Variants in FKBP14 observed in about 807,000 individuals in gnomAD.
The protein encoded by FKBP14 is peptidyl-prolyl cis-trans isomerase FKBP14.
FKBP14 carries 20 observed loss-of-function variants against 21.6 expected under a neutral mutation model. The observed-to-expected ratio is 0.92, with a 90% CI of 0.65 to 1.34. The LOEUF is 1.34. Ranked by LOEUF, FKBP14 falls within the 40% of genes most tolerant of loss-of-function variation. The probability of loss-of-function intolerance (pLI) is 0.00; values close to 1 mark genes in which losing one functional copy is unlikely to be tolerated. For synonymous variants in FKBP14, 79 were observed against 86.7 expected (o/e 0.91, Z 0.49); for missense variants, 253 against 249.0 (o/e 1.02, Z -0.11).
intron 2 of FKBP14, among the ~76,000 whole-genome samples, chr7:30,021,557 CCT>C (rs1322086594): frequency 6.6e-6 from 1 of 151,328 alleles, no homozygotes; most frequent in African/African-American, 2.4e-5. Context: ...CATCTTCAGA[CCT>C]CTTTTTTTTT....
In FKBP14 at chr7:30,014,661, A is replaced by G; in HGVS notation, c.*74T>C. 6.0e-6 allele frequency: 6 copies of G among 996,532 alleles called. No individual in the cohort carries two copies. Among genetic ancestry groups the G allele is most frequent in the Non-Finnish European group, 8.0e-6 (6 of 748,240 alleles). 61.7% of individuals were successfully genotyped at this position (996,532 alleles called of 1,614,324 possible). A position where few individuals can be genotyped will look rare whatever the true frequency, so the allele number is the denominator to read the frequency against. ...ACAAAGCAAGAAAGAACATTGTATA[A>G]AAATAAAATGTTCTTTAAAGATGAC... On this transcript the variant is annotated 3_prime_UTR_variant, in exon 4 of 4. Transcript: ENST00000222803.
chr7:30,017,203 AAG>A (rs1789911052), intron 3 of FKBP14, among the ~76,000 whole-genome samples: 1 of 152,006 alleles, frequency 6.6e-6, no homozygotes, highest in Non-Finnish European at 1.5e-5. Flanking sequence ...AGAAAGAAAA[AAG>A]TAATTAATAA....
chr7:30,008,674 T>TGTGTC (rs1789656448), downstream of FKBP14, among the ~76,000 whole-genome samples: 1 of 123,202 alleles, frequency 8.1e-6, no homozygotes, highest in Non-Finnish European at 1.6e-5. Flanking sequence ...TGAGCTGAGA[T>TGTGTC]TTAAAAAAAA....
At chr7:30,025,721 A>G (rs2127950586) in intron 1 of FKBP14, 1 of 152,370 alleles carries the variant, frequency 6.6e-6, no homozygotes, top group Middle Eastern at 3.4e-3. Context: ...GACTTCCAAA[A>G]CCACACCCAC....
Position 30,014,129 on chromosome 7 carries a change from C to T in FKBP14, c.*606G>A, listed in dbSNP as rs1254641488. ...CCGCCCGCCTCAGCCTCCCAAAGTG[C>T]TGGGATTACAGGCATGAGCCACCAT... On this transcript the variant is annotated 3_prime_UTR_variant, in exon 4 of 4. Transcript: ENST00000222803. The T allele has an allele frequency of 1.3e-5, 2 of 152,272 alleles. No individual in the cohort carries two copies. Among genetic ancestry groups the T allele is most frequent in the Non-Finnish European group, 2.9e-5 (2 of 68,110 alleles). 9.4% of individuals were successfully genotyped at this position (152,272 alleles called of 1,614,324 possible). A position where few individuals can be genotyped will look rare whatever the true frequency, so the allele number is the denominator to read the frequency against.
chr7:30,008,949 A>G (rs539016622), downstream of FKBP14, among the ~76,000 whole-genome samples: 2 of 148,092 alleles, frequency 1.4e-5, no homozygotes, highest in African/African-American at 2.4e-5. Flanking sequence ...TCCGTCTCCA[A>G]AAAAAAAAAA....
chr7:30,018,854 TATAA>T (rs990028880), intron 3 of FKBP14, 138 bp downstream of exon 3: 40 of 824,352 alleles, frequency 4.9e-5, no homozygotes, highest in Non-Finnish European at 6.0e-5. Context: ...TAAGAAAACT[TATAA>T]ATAAATGTTA....
chr7:30,025,107 T>TA (rs578071636), intron 1 of FKBP14, among the ~76,000 whole-genome samples: 8 of 152,160 alleles, frequency 5.3e-5, no homozygotes, highest in Non-Finnish European at 1.0e-4. Context: ...GAATGCCCAG[T>TA]AAAGGCAGTT....
At position 30,013,408 on chromosome 7, in the gene FKBP14, C is replaced by G. The variant is rs1789796687; in HGVS notation, c.*1327G>C. 1 of 152,082 alleles carries G rather than the reference C, an allele frequency of 6.6e-6. No individual in the cohort carries two copies. Among genetic ancestry groups the G allele is most frequent in the East Asian group, 1.9e-4 (1 of 5,166 alleles). The allele number at this position is 152,082 out of a possible 1,614,324, so 9.4% of individuals were successfully genotyped here. On this transcript the variant is annotated 3_prime_UTR_variant, in exon 4 of 4. Coordinates refer to ENST00000222803, the MANE Select transcript of FKBP14 (RefSeq NM_017946.4). ...GGGACTACAGGTGTGCACCACCACG[C>G]CTGGCTAATTTTTGTATTTTTAGTA... is the stretch of plus-strand genomic sequence containing the variant.
chr7:30,011,374 A>T lies in FKBP14; in HGVS notation c.*3361T>A, dbSNP rs1163698515. On this transcript the variant is annotated 3_prime_UTR_variant, in exon 4 of 4. Transcript: ENST00000222803. ...AACATTTTTTATAAATTTTAGTGTCACCTAAGTGTACGGTGTTTATAAAGT... is the reference window on the plus strand; with the variant it reads ...AACATTTTTTATAAATTTTAGTGTCTCCTAAGTGTACGGTGTTTATAAAGT... The T allele has an allele frequency of 6.6e-6, 1 of 151,438 alleles. No homozygotes were observed. Among genetic ancestry groups the T allele is most frequent in the Non-Finnish European group, 1.5e-5 (1 of 67,916 alleles). 9.4% of individuals were successfully genotyped at this position (151,438 alleles called of 1,614,324 possible).
chr7:30,022,485 T>C lies in FKBP14; in HGVS notation c.349+180A>G, dbSNP rs905971124. The C allele has an allele frequency of 5.7e-6, 3 of 530,236 alleles. No homozygotes were observed. In the African/African-American group the frequency reaches 5.8e-5, roughly 10 times the overall value. 32.8% of individuals were successfully genotyped at this position (530,236 alleles called of 1,614,324 possible). On this transcript the variant is annotated intron_variant, in intron 2 of 3. Coordinates refer to ENST00000222803, the MANE Select transcript of FKBP14 (RefSeq NM_017946.4). Reference sequence around the variant, plus strand: ...GTTAGCATAGTTGCCCATTTAGACATTACGGCCTTAAACTGGCCATTTCAA... The same window carrying C: ...GTTAGCATAGTTGCCCATTTAGACACTACGGCCTTAAACTGGCCATTTCAA...
Position 30,013,570 on chromosome 7 carries a change from A to G in FKBP14, c.*1165T>C, listed in dbSNP as rs1363281918. On this transcript the variant is annotated 3_prime_UTR_variant, in exon 4 of 4. Coordinates refer to ENST00000222803, the MANE Select transcript of FKBP14 (RefSeq NM_017946.4). ...AGCTAACTTCAGTTTTTGATGAGAC[A>G]GAAATGGGAAAATGTAGACTGGTTT... The G allele has an allele frequency of 6.6e-6, 1 of 152,170 alleles. No individual in the cohort carries two copies. Among genetic ancestry groups the G allele is most frequent in the African/African-American group, 2.4e-5 (1 of 41,440 alleles). 9.4% of individuals were successfully genotyped at this position (152,170 alleles called of 1,614,324 possible).
chr7:30,023,043 AAGAC>A (rs754281368), intron 1 of FKBP14, among the ~76,000 whole-genome samples: 2 of 150,354 alleles, frequency 1.3e-5, no homozygotes, highest in Admixed American at 6.7e-5. Context: ...GGGCTTAAGA[AAGAC>A]AGAGGAAATA....
intron 1 of FKBP14, chr7:30,025,418 C>T (rs1450611088): frequency 6.6e-6 from 1 of 152,248 alleles, no homozygotes; most frequent in Non-Finnish European, 1.5e-5. Context: ...CAAGAACCTG[C>T]TTCTAGCCAT....
Position 30,012,015 on chromosome 7 carries a change from C to T in FKBP14, c.*2720G>A, listed in dbSNP as rs1789753141. On this transcript the variant is annotated 3_prime_UTR_variant, in exon 4 of 4. Transcript: ENST00000222803. ...TAGCCTAGGAGCAATAGGCTATATA[C>T]ATGTCCTACATGTGTAGCAGGCTAC... The T allele has an allele frequency of 6.6e-6, 1 of 152,182 alleles. No individual in the cohort carries two copies. The highest frequency in any genetic ancestry group is 2.4e-5 in the African/African-American group (1 of 41,440). 9.4% of individuals were successfully genotyped at this position (152,182 alleles called of 1,614,324 possible).
In FKBP14 at chr7:30,020,002, G is replaced by GAAAC. The variant is rs377064781; in HGVS notation, c.350-883_350-880dup. Among the ~76,000 whole-genome samples the GAAAC allele has an allele frequency of 8.0e-3, 1,220 of 152,098 alleles. 12 individuals carry two copies. Among genetic ancestry groups the GAAAC allele is most frequent in the African/African-American group, 0.022 (915 of 41,532 alleles). ...AGCTTTGTTAAAATCCCAGGAACCT[G>GAAAC]AAACAAACAAACAAACAAACAAACA... is the stretch of plus-strand genomic sequence containing the variant. On this transcript the variant is annotated intron_variant, in intron 2 of 3. Transcript: ENST00000222803.
chr7:30,018,582 C>T (rs1054693177), intron 3 of FKBP14, among the ~76,000 whole-genome samples: 3 of 152,202 alleles, frequency 2.0e-5, no homozygotes, highest in African/African-American at 4.8e-5. Context: ...ATGTATTTAA[C>T]AGCCAGTCTA....
chr7:30,017,857 AC>A (rs1302282224), intron 3 of FKBP14, among the ~76,000 whole-genome samples: 3 of 152,092 alleles, frequency 2.0e-5, no homozygotes, highest in African/African-American at 7.2e-5. Context: ...TACTAAAAAT[AC>A]AAAAATCAGC....
intron 1 of FKBP14, among the ~76,000 whole-genome samples, chr7:30,023,034 G>T (rs1173867363): frequency 6.6e-6 from 1 of 151,588 alleles, no homozygotes; most frequent in African/African-American, 2.4e-5. Context: ...TACTTGACTG[G>T]GCTTAAGAAA....
Sources: allele counts gnomAD v4.1 joint callset (sites outside exome capture counted in the v4.1 genomes callset), GRCh38; gene constraint gnomAD v4.1.1; transcripts MANE v1.5; gene names NCBI Gene and HGNC (gene_info 2026-07-23, HGNC 2026-07-21).